The following ADAM23 variants were observed in gnomAD, a reference collection of about 807,000 sequenced individuals.
ADAM23 encodes ADAM metallopeptidase domain 23, also known as disintegrin and metalloproteinase domain-containing protein 23.
ADAM23 carries 33 observed loss-of-function variants against 120.1 expected under a neutral mutation model. The observed-to-expected ratio is 0.27, with a 90% CI of 0.21 to 0.37. ADAM23 has a LOEUF of 0.37. Ranked by LOEUF, ADAM23 falls within the 10% of genes least tolerant of loss-of-function variation. ADAM23 has a pLI of 1.00. For synonymous variants in ADAM23, 367 were observed against 375.2 expected (o/e 0.98, Z 0.25); for missense variants, 862 against 1,058.2 (o/e 0.81, Z 2.57).
chr2:206,609,488 T>C (rs1400395174), intron 24 of ADAM23, among the ~76,000 whole-genome samples: 2 of 152,228 alleles, frequency 1.3e-5, no homozygotes, highest in East Asian at 3.8e-4. Context: ...AAGGGCATTG[T>C]AGCAGAATGT....
chr2:206,560,833 A>T (rs573895016), intron 11 of ADAM23, among the ~76,000 whole-genome samples: 36 of 152,286 alleles, frequency 2.4e-4, no homozygotes, highest in Non-Finnish European at 3.5e-4. Context: ...TCACTGCTAG[A>T]TATTCTCTAC....
At chr2:206,483,590 G>A (rs1695941982) in intron 3 of ADAM23, among the ~76,000 whole-genome samples, 1 of 151,952 alleles carries the variant, frequency 6.6e-6, no homozygotes, top group Non-Finnish European at 1.5e-5. Flanking sequence ...AAATTGAGAA[G>A]GAGTGATTGG....
chr2:206,450,611 A>G (rs1360559551), intron 2 of ADAM23, among the ~76,000 whole-genome samples: 1 of 152,232 alleles, frequency 6.6e-6, no homozygotes, highest in African/African-American at 2.4e-5. Context: ...TTAGCACTGC[A>G]TAAGTCACAC....
chr2:206,530,669 C>CTTTTTTTTTTTTTTTTTTTTTTT (rs56206262), intron 3 of ADAM23, among the ~76,000 whole-genome samples: 1 of 74,836 alleles, frequency 1.3e-5, no homozygotes, highest in African/African-American at 5.2e-5. Context: ...TGTGTCTTGT[C>CTTTTTTTTTTTTTTTTTTTTTTT]TTTTTTTTTT....
intron 3 of ADAM23, among the ~76,000 whole-genome samples, chr2:206,494,919 G>T (rs968824975): frequency 6.6e-6 from 1 of 152,188 alleles, no homozygotes; most frequent in Non-Finnish European, 1.5e-5. Context: ...CAAAATGAAT[G>T]AAATGAAGCG....
intron 3 of ADAM23, among the ~76,000 whole-genome samples, chr2:206,519,256 A>T (rs1696797418): frequency 6.6e-6 from 1 of 152,188 alleles, no homozygotes; most frequent in African/African-American, 2.4e-5. Context: ...CAGTTGGAAG[A>T]ATTATCCTTT....
chr2:206,592,081 C>T (rs1214368639), intron 21 of ADAM23, among the ~76,000 whole-genome samples: 1 of 152,138 alleles, frequency 6.6e-6, no homozygotes, highest in Non-Finnish European at 1.5e-5. Context: ...ATAATTTCTG[C>T]CCCTCCATCC....
intron 18 of ADAM23, among the ~76,000 whole-genome samples, chr2:206,581,925 T>G: frequency 6.6e-6 from 1 of 152,168 alleles, no homozygotes; most frequent in East Asian, 1.9e-4. Flanking sequence ...TTGCCCAGGC[T>G]GGAGTGCAGT....
At chr2:206,457,527 A>G (rs1695323916) in intron 2 of ADAM23, among the ~76,000 whole-genome samples, 1 of 152,196 alleles carries the variant, frequency 6.6e-6, no homozygotes, top group Non-Finnish European at 1.5e-5. Flanking sequence ...ATGCATGTGT[A>G]CACACCTCAC....
intron 13 of ADAM23, among the ~76,000 whole-genome samples, chr2:206,563,727 CTTTTT>C (rs3084932): frequency 9.2e-5 from 13 of 140,570 alleles, no homozygotes; most frequent in Middle Eastern, 7.3e-3. Context: ...TCCTAAAATT[CTTTTT>C]TTTTTTTTTT....
At chr2:206,604,027 G>T (rs1698687386) in intron 24 of ADAM23, among the ~76,000 whole-genome samples, 1 of 151,944 alleles carries the variant, frequency 6.6e-6, no homozygotes, top group African/African-American at 2.4e-5. Context: ...AGCACTTTGG[G>T]AGGCCGAGGC....
intron 23 of ADAM23, among the ~76,000 whole-genome samples, 180 bp downstream of exon 23, chr2:206,595,085 G>A (rs1698499305): frequency 6.6e-6 from 1 of 152,160 alleles, no homozygotes; most frequent in Non-Finnish European, 1.5e-5. Flanking sequence ...GGAGGCTTTT[G>A]CAGAAGAATC....
intron 2 of ADAM23, among the ~76,000 whole-genome samples, chr2:206,457,190 A>T (rs1300658497): frequency 6.6e-6 from 1 of 152,168 alleles, no homozygotes; most frequent in Non-Finnish European, 1.5e-5. Flanking sequence ...CTTTCTATGG[A>T]ACCTGAATGG....
At chr2:206,495,646 A>G (rs1696228984) in intron 3 of ADAM23, among the ~76,000 whole-genome samples, 1 of 152,216 alleles carries the variant, frequency 6.6e-6, no homozygotes, top group African/African-American at 2.4e-5. Flanking sequence ...ATTCACACAT[A>G]ACAATACTAA....
chr2:206,462,471 G>A (rs936672668), intron 2 of ADAM23, among the ~76,000 whole-genome samples: 1 of 152,190 alleles, frequency 6.6e-6, no homozygotes, highest in African/African-American at 2.4e-5. Flanking sequence ...ACACTATGGT[G>A]TTCTTCCCCT....
At chr2:206,588,186 CATA>C in intron 20 of ADAM23, 32 bp downstream of exon 20, 1 of 1,608,024 alleles carries the variant, frequency 6.2e-7, no homozygotes, top group Non-Finnish European at 8.5e-7. Context: ...GGCGGTTACA[CATA>C]CCATTTTCTC....
At chr2:206,557,371 T>G in intron 9 of ADAM23, 56 bp from the exon 10 acceptor site, 1 of 1,369,908 alleles carries the variant, frequency 7.3e-7, no homozygotes, top group Non-Finnish European at 1.0e-6. Flanking sequence ...TACAGCATTT[T>G]GAAATTTATT....
intron 4 of ADAM23, among the ~76,000 whole-genome samples, chr2:206,537,736 C>T (rs1355133880): frequency 1.3e-5 from 2 of 152,048 alleles, no homozygotes; most frequent in Non-Finnish European, 2.9e-5. Flanking sequence ...ATTTCCACTC[C>T]TATACTAAAA....
At chr2:206,468,736 A>G (rs1310910503) in intron 2 of ADAM23, among the ~76,000 whole-genome samples, 3 of 151,882 alleles carry the variant, frequency 2.0e-5, no homozygotes, top group African/African-American at 7.3e-5. Flanking sequence ...CTTGGTACCA[A>G]TTTTCTGTAT....
Sources: gnomAD v4.1 joint callset for allele counts (sites outside exome capture counted in the v4.1 genomes callset) on GRCh38, gnomAD v4.1.1 for gene constraint, MANE v1.5 for transcripts, NCBI Gene and HGNC (gene_info 2026-07-23, HGNC 2026-07-21) for gene names.